GREB1L: variants seen among roughly 807,000 people sequenced by gnomAD.
GREB1L encodes the protein GREB1 like retinoic acid receptor coactivator.
GREB1L carries 17 observed loss-of-function variants against 200.8 expected under a neutral mutation model. That is an observed-to-expected ratio of 0.08 (90% confidence interval 0.06 to 0.13). GREB1L has a LOEUF of 0.13. GREB1L is among the 10% of genes least tolerant of loss of function. GREB1L has a pLI of 1.00. For synonymous variants in GREB1L, 789 were observed against 893.0 expected (o/e 0.88, Z 2.08); for missense variants, 1,657 against 2,367.7 (o/e 0.70, Z 6.23).
intron 2 of GREB1L, among the ~76,000 whole-genome samples, chr18:21,370,756 A>G (rs2039841599): frequency 6.6e-6 from 1 of 152,196 alleles, no homozygotes; most frequent in Non-Finnish European, 1.5e-5. Flanking sequence ...ACTGTTCAGT[A>G]TGACAGCTAC....
chr18:21,476,339 T>C (rs994153172), intron 16 of GREB1L, among the ~76,000 whole-genome samples: 1 of 151,870 alleles, frequency 6.6e-6, no homozygotes, highest in African/African-American at 2.4e-5. Context: ...GAGCCATACA[T>C]AGGTATAAAT....
chr18:21,307,495 G>A (rs1455512700), intron 1 of GREB1L, among the ~76,000 whole-genome samples: 1 of 152,180 alleles, frequency 6.6e-6, no homozygotes, highest in Non-Finnish European at 1.5e-5. Context: ...CAGAATAAGA[G>A]TTTAAAAGTG....
At chr18:21,497,799 T>TCC (rs2036604309) in intron 21 of GREB1L, among the ~76,000 whole-genome samples, 1 of 131,248 alleles carries the variant, frequency 7.6e-6, no homozygotes. Flanking sequence ...TGCCCCTCCT[T>TCC]CTCCCCTCAC....
At chr18:21,459,279 CTTTTTTTTTT>C (rs746568414) in intron 15 of GREB1L, among the ~76,000 whole-genome samples, 2 of 85,918 alleles carry the variant, frequency 2.3e-5, no homozygotes, top group African/African-American at 5.1e-5. Flanking sequence ...TTTTTCTTTA[CTTTTTTTTTT>C]TTTTTTTTTT....
intron 1 of GREB1L, among the ~76,000 whole-genome samples, chr18:21,348,346 G>T (rs1212119541): frequency 5.3e-5 from 8 of 151,948 alleles, no homozygotes; most frequent in Admixed American, 5.2e-4. Context: ...AATCTCACCA[G>T]TACCCATAGC....
At chr18:21,425,759 G>A (rs1362428156) in intron 7 of GREB1L, among the ~76,000 whole-genome samples, 1 of 152,010 alleles carries the variant, frequency 6.6e-6, no homozygotes, top group Non-Finnish European at 1.5e-5. Context: ...ATTTACAAGA[G>A]TTTTTAAAAT....
In GREB1L at chr18:21,505,878, T is replaced by C. The variant is rs2036992564; in HGVS notation, c.4297T>C (p.Tyr1433His). The change falls in exon 25 of 33, where the codon TAT becomes CAT. Residue 1433 changes from tyrosine to histidine, a missense_variant. Physicochemically the swap from Tyr to His is moderately conservative, Grantham distance 83. Coordinates refer to ENST00000424526, the MANE Select transcript of GREB1L (RefSeq NM_001142966.3). Reference protein sequence around the residue: ...RETVSIMLTKYAAYNTFHHCE... With the variant: ...RETVSIMLTKHAAYNTFHHCE... ...AACTGTATCCATAATGCTGACCAAATATGCAGCCTATAACACCTTTCACCA... is the reference window on the plus strand; with the variant it reads ...AACTGTATCCATAATGCTGACCAAACATGCAGCCTATAACACCTTTCACCA... 6.4e-7 allele frequency: 1 copy of C among 1,552,082 alleles called. No homozygotes were observed. Among genetic ancestry groups the C allele is most frequent in the African/African-American group, 1.4e-5 (1 of 73,106 alleles).
At chr18:21,458,560 G>T (rs78025272) in intron 15 of GREB1L, among the ~76,000 whole-genome samples, 19,757 of 152,240 alleles carry the variant, frequency 0.13, 1,790 homozygotes, top group Non-Finnish European at 0.2. Context: ...GAAAGTAAAA[G>T]GATGAAAATA....
intron 1 of GREB1L, among the ~76,000 whole-genome samples, chr18:21,359,566 T>C (rs2039553559): frequency 6.6e-6 from 1 of 152,244 alleles, no homozygotes; most frequent in South Asian, 2.1e-4. Flanking sequence ...ATACATTTTA[T>C]AGCACATTTC....
In GREB1L at chr18:21,495,533, C is replaced by T. The variant is rs1598926443; in HGVS notation, c.3031-137C>T. On this transcript the variant is annotated intron_variant, in intron 19 of 32. Transcript: ENST00000424526. ...GCGATGTAGTAGCAGTTAAAATATA[C>T]ATACATAAACATATGTAAACACTTA... The T allele has an allele frequency of 1.6e-5, 10 of 630,356 alleles. No individual in the cohort carries two copies. In the East Asian group the frequency reaches 2.6e-4, roughly 16 times the overall value. The allele number at this position is 630,356 out of a possible 1,614,324, so 39.0% of individuals were successfully genotyped here. A position where few individuals can be genotyped will look rare whatever the true frequency, so the allele number is the denominator to read the frequency against.
At chr18:21,431,314 C>A (rs1009786345) in intron 7 of GREB1L, among the ~76,000 whole-genome samples, 1 of 152,140 alleles carries the variant, frequency 6.6e-6, no homozygotes, top group Non-Finnish European at 1.5e-5. Context: ...CGTCAGCCAC[C>A]GCATCCAACC....
At chr18:21,380,120 G>T (rs918842787) in intron 2 of GREB1L, among the ~76,000 whole-genome samples, 3 of 152,070 alleles carry the variant, frequency 2.0e-5, no homozygotes, top group African/African-American at 7.2e-5. Flanking sequence ...TCAAATCATA[G>T]GAATCTCTAA....
At chr18:21,467,092 A>G (rs1463121935) in intron 15 of GREB1L, among the ~76,000 whole-genome samples, 5 of 152,234 alleles carry the variant, frequency 3.3e-5, no homozygotes, top group Non-Finnish European at 2.9e-5. Context: ...TCACATACAA[A>G]AAATAACTCA....
chr18:21,376,649 A>G (rs1197403791), intron 2 of GREB1L, among the ~76,000 whole-genome samples: 1 of 151,102 alleles, frequency 6.6e-6, no homozygotes, highest in Non-Finnish European at 1.5e-5. Flanking sequence ...CTAAAAACAC[A>G]AAAAAATTAG....
intron 25 of GREB1L, among the ~76,000 whole-genome samples, 180 bp downstream of exon 25, chr18:21,506,129 T>C (rs1023543018): frequency 6.6e-6 from 1 of 152,064 alleles, no homozygotes; most frequent in Non-Finnish European, 1.5e-5. Context: ...GCGCGGTGGC[T>C]CACCCTGTAA....
At chr18:21,315,090 A>T (rs191927690) in intron 1 of GREB1L, among the ~76,000 whole-genome samples, 11 of 152,096 alleles carry the variant, frequency 7.2e-5, no homozygotes, top group South Asian at 4.2e-4. Context: ...TTATTTATTT[A>T]TTTATTTTTA....
chr18:21,467,802 A>C (rs2035316272), intron 15 of GREB1L, among the ~76,000 whole-genome samples: 1 of 152,152 alleles, frequency 6.6e-6, no homozygotes, highest in African/African-American at 2.4e-5. Flanking sequence ...AGGCGGGCGG[A>C]TCACAAGGTC....
Position 21,352,443 on chromosome 18 carries a change from T to C in GREB1L, c.-119-13584T>C, listed in dbSNP as rs1598686084. On this transcript the variant is annotated intron_variant, in intron 1 of 32. Transcript: ENST00000424526. The stretch of plus-strand genomic sequence containing the variant: ...CAGTGTGCTTTTATATATATATAAA[T>C]ATATATATATGTTTTTTATGCACTC... Among the ~76,000 whole-genome samples, 4 of 151,532 alleles carry C rather than the reference T, an allele frequency of 2.6e-5. No individual in the cohort carries two copies. In the South Asian group the frequency reaches 8.3e-4, roughly 32 times the overall value.
intron 7 of GREB1L, among the ~76,000 whole-genome samples, chr18:21,434,684 A>T (rs2033427009): frequency 1.3e-5 from 2 of 151,856 alleles, no homozygotes; most frequent in Non-Finnish European, 2.9e-5. Flanking sequence ...TTACCTCACA[A>T]CACTGTTACA....
Sources: gnomAD v4.1 joint callset for allele counts (sites outside exome capture counted in the v4.1 genomes callset) on GRCh38, gnomAD v4.1.1 for gene constraint, MANE v1.5 for transcripts, NCBI Gene and HGNC (gene_info 2026-07-23, HGNC 2026-07-21) for gene names.